CYFIP1: variants seen among roughly 807,000 people sequenced by gnomAD.
CYFIP1 encodes the protein cytoplasmic FMR1 interacting protein 1, also known as cytoplasmic FMR1-interacting protein 1.
A neutral mutation model predicts 163.5 loss-of-function variants in CYFIP1; 58 were observed. That is an observed-to-expected ratio of 0.35 (90% CI 0.29 to 0.44). The LOEUF is 0.44. CYFIP1 is among the 20% of genes least tolerant of loss of function. The probability of loss-of-function intolerance (pLI) is 1.00; values close to 1 mark genes in which losing one functional copy is unlikely to be tolerated. For synonymous variants in CYFIP1, 663 were observed against 660.7 expected (o/e 1.00, Z -0.05); for missense variants, 1,338 against 1,653.8 (o/e 0.81, Z 3.31).
At position 22,970,354 on chromosome 15, in the gene CYFIP1, G is replaced by A. The variant is rs1042832562; in HGVS notation, c.-7+9933C>T. ...GGATTGGAAGACATAATATTGTTAA[G>A]ATGACAATACAATCCAAAGCCTTCT... On this transcript the variant is annotated intron_variant, in intron 1 of 30. Transcript: ENST00000617928. 2.0e-5 allele frequency among the ~76,000 whole-genome samples: 3 copies of A among 152,292 alleles called. No individual in the cohort carries two copies. In the East Asian group the frequency reaches 5.8e-4, roughly 29 times the overall value.
intron 1 of CYFIP1, among the ~76,000 whole-genome samples, chr15:22,967,027 T>TA (rs898468757): frequency 1.1e-4 from 17 of 149,122 alleles, no homozygotes; most frequent in Non-Finnish European, 2.4e-4. Context: ...GGGGAGCCAA[T>TA]AAAAAAAGCT....
intron 1 of CYFIP1, among the ~76,000 whole-genome samples, chr15:22,972,446 AC>A (rs1327542302): frequency 6.6e-6 from 1 of 152,166 alleles, no homozygotes; most frequent in East Asian, 1.9e-4. Flanking sequence ...CAAAAACAAA[AC>A]AAAACAAAAA....
At position 22,867,113 on chromosome 15, in the gene CYFIP1, G is replaced by A. The variant is rs150285211; in HGVS notation, c.*2915C>T. 120 of 484,668 alleles carry A rather than the reference G, an allele frequency of 2.5e-4. 1 individual carries two copies. Among genetic ancestry groups the A allele is most frequent in the Non-Finnish European group, 3.2e-4 (89 of 278,240 alleles). 30.0% of individuals were successfully genotyped at this position (484,668 alleles called of 1,614,324 possible). A position where few individuals can be genotyped will look rare whatever the true frequency, so the allele number is the denominator to read the frequency against. On this transcript the variant is annotated 3_prime_UTR_variant, in exon 31 of 31. Coordinates refer to ENST00000617928, the MANE Select transcript of CYFIP1 (RefSeq NM_014608.6). Reference sequence around the variant, plus strand: ...CATTTTCATCCCTTCTCCAAAAGCCGAATGCACTAATGACAGTTTTAAGTC... The same window carrying A: ...CATTTTCATCCCTTCTCCAAAAGCCAAATGCACTAATGACAGTTTTAAGTC...
chr15:22,979,740 G>C (rs1280994334), intron 1 of CYFIP1, among the ~76,000 whole-genome samples: 1 of 152,158 alleles, frequency 6.6e-6, no homozygotes, highest in African/African-American at 2.4e-5. Context: ...CCTTAACAAA[G>C]CCCAAAACTC....
At chr15:22,907,709 TA>T (rs2060631632) in intron 21 of CYFIP1, among the ~76,000 whole-genome samples, 1 of 152,206 alleles carries the variant, frequency 6.6e-6, no homozygotes, top group Non-Finnish European at 1.5e-5. Context: ...GATTAAATCC[TA>T]AAGATTCAAA....
chr15:22,952,440 G>C (rs2140145068), intron 1 of CYFIP1, among the ~76,000 whole-genome samples: 1 of 151,944 alleles, frequency 6.6e-6, no homozygotes, highest in Non-Finnish European at 1.5e-5. Flanking sequence ...CGAATCACGA[G>C]GTCAGGAGTT....
intron 27 of CYFIP1, 49 bp downstream of exon 27, chr15:22,875,150 C>G (rs753814031): frequency 6.4e-7 from 1 of 1,557,656 alleles, no homozygotes; most frequent in South Asian, 1.1e-5. Context: ...GTGGGCACCA[C>G]CCCCACAGAG....
At chr15:22,872,774 G>C (rs1017430803) in intron 30 of CYFIP1, 51 bp downstream of exon 30, 5 of 1,573,362 alleles carry the variant, frequency 3.2e-6, no homozygotes, top group Non-Finnish European at 4.4e-6. Context: ...CACAAAGAAA[G>C]TATGCTTTTG....
rs373327934 is a variant in CYFIP1, at chr15:22,939,533, C to G, written c.570-26G>C. On this transcript the variant is annotated intron_variant, in intron 6 of 30. Coordinates refer to ENST00000617928, the MANE Select transcript of CYFIP1 (RefSeq NM_014608.6). ...CTTTGAAAACAAAAAGAATTCATCCCAAAATGCACCAACGTGCCACATTTA... is the reference window on the plus strand; with the variant it reads ...CTTTGAAAACAAAAAGAATTCATCCGAAAATGCACCAACGTGCCACATTTA... 591 of 1,036,732 alleles carry G rather than the reference C, an allele frequency of 5.7e-4. 4 individuals are homozygous for G. The highest frequency in any genetic ancestry group is 8.0e-4 in the Non-Finnish European group (567 of 710,314). 64.2% of individuals were successfully genotyped at this position (1,036,732 alleles called of 1,614,324 possible).
At chr15:22,879,351 C>T (rs963893339) in intron 26 of CYFIP1, among the ~76,000 whole-genome samples, 3 of 152,120 alleles carry the variant, frequency 2.0e-5, no homozygotes, top group African/African-American at 7.2e-5. Flanking sequence ...AGAGGGACAG[C>T]CAGACAGCAC....
intron 23 of CYFIP1, among the ~76,000 whole-genome samples, chr15:22,883,518 T>TA (rs1171824192): frequency 2.6e-5 from 4 of 151,970 alleles, no homozygotes; most frequent in South Asian, 2.1e-4. Flanking sequence ...TAATTTATTT[T>TA]AAAAAAAAGC....
At chr15:22,909,769 A>G (rs567838252) in intron 20 of CYFIP1, among the ~76,000 whole-genome samples, 6 of 152,062 alleles carry the variant, frequency 3.9e-5, no homozygotes, top group African/African-American at 1.4e-4. Flanking sequence ...GTAAGTGTAC[A>G]TATTTATGGG....
Position 22,944,504 on chromosome 15 carries a change from G to A in CYFIP1, c.387+54C>T, listed in dbSNP as rs1490284934. The A allele has an allele frequency of 4.0e-6, 5 of 1,254,934 alleles. No homozygotes were observed. The Admixed American group carries it at 8.8e-5, about 22-fold the overall frequency. 77.7% of individuals were successfully genotyped at this position (1,254,934 alleles called of 1,614,324 possible). ...CAGTGACAGTGATGGGTAGGAAGGG[G>A]TCAGCAACCCACCCCTCGGTGTTAC... On this transcript the variant is annotated intron_variant, in intron 5 of 30. Transcript: ENST00000617928.
At chr15:22,911,774 T>C (rs1457273657) in intron 18 of CYFIP1, among the ~76,000 whole-genome samples, 1 of 152,138 alleles carries the variant, frequency 6.6e-6, no homozygotes, top group Admixed American at 6.5e-5. Context: ...TAAATGTGCA[T>C]ACACTAACCT....
chr15:22,909,627 C>A (rs544749593), intron 20 of CYFIP1, among the ~76,000 whole-genome samples: 11 of 152,190 alleles, frequency 7.2e-5, no homozygotes, highest in Admixed American at 1.3e-4. Flanking sequence ...GATGATTATT[C>A]GTGTATAGAG....
Position 22,928,160 on chromosome 15 carries a change from C to T in CYFIP1, c.1111-132G>A, listed in dbSNP as rs1265525855. ...AAGAAATGCAGGAGGCCAAGGCGGGCGGATCACAAGGTCGGGAGATCCAGA... is the reference window on the plus strand; with the variant it reads ...AAGAAATGCAGGAGGCCAAGGCGGGTGGATCACAAGGTCGGGAGATCCAGA... On this transcript the variant is annotated intron_variant, in intron 11 of 30. Transcript: ENST00000617928. The T allele has an allele frequency of 4.5e-6, 5 of 1,116,034 alleles. 1 individual carries two copies. The South Asian group carries it at 5.3e-5, about 12-fold the overall frequency. The allele number at this position is 1,116,034 out of a possible 1,614,324, so 69.1% of individuals were successfully genotyped here.
intron 1 of CYFIP1, among the ~76,000 whole-genome samples, chr15:22,953,195 G>A (rs574438013): frequency 3.0e-4 from 46 of 152,302 alleles, no homozygotes; most frequent in Non-Finnish European, 5.4e-4. Flanking sequence ...CCCTGGCAGC[G>A]TGGGTGCAGG....
At chr15:22,962,161 CTGAT>C (rs1376924061) in intron 1 of CYFIP1, among the ~76,000 whole-genome samples, 10 of 152,130 alleles carry the variant, frequency 6.6e-5, no homozygotes, top group Admixed American at 2.6e-4. Flanking sequence ...TTTCAGCAAA[CTGAT>C]TGGTAGTAGG....
At chr15:22,976,973 G>A (rs553811348) in intron 1 of CYFIP1, among the ~76,000 whole-genome samples, 37 of 152,290 alleles carry the variant, frequency 2.4e-4, no homozygotes, top group African/African-American at 7.7e-4. Context: ...GCCGAGGCAG[G>A]CGGATCACCT....
Sources: allele counts gnomAD v4.1 joint callset (sites outside exome capture counted in the v4.1 genomes callset), GRCh38; gene constraint gnomAD v4.1.1; transcripts MANE v1.5; gene names NCBI Gene and HGNC (gene_info 2026-07-23, HGNC 2026-07-21).